RFX7: variants seen among roughly 807,000 people sequenced by gnomAD.
The protein encoded by RFX7 is regulatory factor X7, also known as DNA-binding protein RFX7.
A neutral mutation model predicts 111.8 loss-of-function variants in RFX7; 26 were observed. That is an observed-to-expected ratio of 0.23 (90% CI 0.17 to 0.32). The LOEUF is 0.32. Ranked by LOEUF, RFX7 falls within the 10% of genes least tolerant of loss-of-function variation. The probability of loss-of-function intolerance (pLI) is 1.00; values close to 1 mark genes in which losing one functional copy is unlikely to be tolerated. For synonymous variants in RFX7, 624 were observed against 624.4 expected, an observed-to-expected ratio of 1.00 and a Z score of 0.01; for missense variants, 1,573 against 1,772.9, an observed-to-expected ratio of 0.89 and a Z score of 2.02.
At chr15:56,171,630 A>G (rs1595984926) in intron 3 of RFX7, among the ~76,000 whole-genome samples, 1 of 152,218 alleles carries the variant, frequency 6.6e-6, no homozygotes, top group East Asian at 1.9e-4. Context: ...TATCCCCGTG[A>G]AACCCATGTC....
At position 56,147,422 on chromosome 15, in the gene RFX7, G is replaced by T. The variant is rs562254165; in HGVS notation, c.196-2939C>A. On this transcript the variant is annotated intron_variant, in intron 3 of 9. Transcript: ENST00000559447. ...GAAAGCAGCTTAGTGTTTCCCAGAGGCAGATGACTGCTTAAAGGGTACTGA... is the reference window on the plus strand; with the variant it reads ...GAAAGCAGCTTAGTGTTTCCCAGAGTCAGATGACTGCTTAAAGGGTACTGA... 1.8e-4 allele frequency among the ~76,000 whole-genome samples: 27 copies of T among 152,210 alleles called. No individual in the cohort carries two copies. In the East Asian group the frequency reaches 4.8e-3, roughly 27 times the overall value.
Position 56,243,047 on chromosome 15 carries a change from C to T in RFX7, c.161+78G>A, listed in dbSNP as rs1267648749. On this transcript the variant is annotated intron_variant, in intron 2 of 9. Coordinates refer to ENST00000559447, the MANE Select transcript of RFX7 (RefSeq NM_022841.7). ...GCATCAGCCTCCTCCTCCGCTCCCC[C>T]CGCCCGCCGCCCCCCACCCACTTTG... The T allele has an allele frequency of 6.7e-5, 42 of 630,472 alleles. 1 individual carries two copies. Among genetic ancestry groups the T allele is most frequent in the Non-Finnish European group, 1.1e-4 (41 of 377,760 alleles). The allele number at this position is 630,472 out of a possible 1,614,324, so 39.1% of individuals were successfully genotyped here.
In RFX7 at chr15:56,174,465, G is replaced by C. The variant is rs1286762018; in HGVS notation, c.195+4805C>G. Among the ~76,000 whole-genome samples the C allele has an allele frequency of 4.6e-5, 7 of 152,006 alleles. No individual in the cohort carries two copies. The South Asian group carries it at 1.5e-3, about 32-fold the overall frequency. On this transcript the variant is annotated intron_variant, in intron 3 of 9. Transcript: ENST00000559447. ...TTGGATAAAAATCAGCATGTGGCTG[G>C]GCACGGTTGCTCATACCTGTAATCC...
At chr15:56,141,762 C>G (rs1044432866) in intron 5 of RFX7, among the ~76,000 whole-genome samples, 1 of 148,420 alleles carries the variant, frequency 6.7e-6, no homozygotes, top group Non-Finnish European at 1.5e-5. Flanking sequence ...TATAGGTATT[C>G]AATGGATTGT....
chr15:56,222,971 A>T (rs2043442499), intron 2 of RFX7, among the ~76,000 whole-genome samples: 1 of 152,160 alleles, frequency 6.6e-6, no homozygotes, highest in South Asian at 2.1e-4. Flanking sequence ...AGTATTTTTA[A>T]AGGTTAGCTT....
intron 5 of RFX7, among the ~76,000 whole-genome samples, chr15:56,128,034 A>G (rs569544550): frequency 6.6e-6 from 1 of 152,190 alleles, no homozygotes; most frequent in Non-Finnish European, 1.5e-5. Flanking sequence ...ATATACATGA[A>G]AGAAACAAAA....
chr15:56,162,652 A>C (rs560089229), intron 3 of RFX7, among the ~76,000 whole-genome samples: 146 of 152,022 alleles, frequency 9.6e-4, no homozygotes, highest in Non-Finnish European at 1.5e-3. Context: ...GAAAAAAAAA[A>C]CATTAATAAC....
chr15:56,103,520 G>A (rs1473948680), intron 6 of RFX7, 34 bp downstream of exon 6: 1 of 1,339,778 alleles, frequency 7.5e-7, no homozygotes, highest in East Asian at 2.4e-5. Flanking sequence ...TGAGAACACA[G>A]AGATATTACT....
At position 56,179,298 on chromosome 15, in the gene RFX7, G is replaced by T; in HGVS notation, c.167C>A (p.Thr56Asn). 7.8e-7 allele frequency: 1 copy of T among 1,285,208 alleles called. No individual in the cohort carries two copies. The highest frequency in any genetic ancestry group is 1.0e-6 in the Non-Finnish European group (1 of 971,244). The allele number at this position is 1,285,208 out of a possible 1,614,324, so 79.6% of individuals were successfully genotyped here. Reference sequence around the variant, plus strand: ...AATGCAGTCCACTTTAGATTGTACAGTTTTGCTAAAAGAAAGAGAAAGTTA... The same window carrying T: ...AATGCAGTCCACTTTAGATTGTACATTTTTGCTAAAAGAAAGAGAAAGTTA... ...QHKIKNSICK[T>N]VQSKVDCILQ... The change falls in exon 3 of 10, where the codon ACT becomes AAT. Residue 56 changes from threonine (T) to asparagine (N), a missense_variant. Around this residue, in one of 7 missense-constraint regions of RFX7, gnomAD observed 191 missense variants for 194.2 expected, o/e 0.98. Coordinates refer to ENST00000559447, the MANE Select transcript of RFX7 (RefSeq NM_022841.7).
At chr15:56,240,051 A>G (rs1477616484) in intron 2 of RFX7, among the ~76,000 whole-genome samples, 2 of 145,152 alleles carry the variant, frequency 1.4e-5, no homozygotes, top group Non-Finnish European at 3.0e-5. Flanking sequence ...AGAAGTTTGC[A>G]GTTAGGTTGG....
chr15:56,235,666 G>T (rs2043615084), intron 2 of RFX7, among the ~76,000 whole-genome samples: 1 of 152,028 alleles, frequency 6.6e-6, no homozygotes, highest in South Asian at 2.1e-4. Context: ...TACTGATTTT[G>T]GAAAGAAAAA....
chr15:56,110,415 G>A (rs1424650944), intron 5 of RFX7, among the ~76,000 whole-genome samples: 1 of 121,074 alleles, frequency 8.3e-6, no homozygotes, highest in African/African-American at 3.0e-5. Context: ...GTCCGGGGGA[G>A]GGGGGGTCAG....
At chr15:56,190,041 G>A (rs2141159826) in intron 2 of RFX7, among the ~76,000 whole-genome samples, 1 of 152,220 alleles carries the variant, frequency 6.6e-6, no homozygotes, top group East Asian at 1.9e-4. Flanking sequence ...AGAGGAACAT[G>A]GATGAATCTA....
chr15:56,197,446 A>G (rs1287360167), intron 2 of RFX7, among the ~76,000 whole-genome samples: 1 of 151,764 alleles, frequency 6.6e-6, no homozygotes, highest in Non-Finnish European at 1.5e-5. Flanking sequence ...AAGTTATTTT[A>G]TTTTCTTCTA....
intron 2 of RFX7, chr15:56,189,784 G>A (rs2043081660): frequency 6.6e-6 from 1 of 152,190 alleles, no homozygotes; most frequent in Admixed American, 6.5e-5. Flanking sequence ...TGGTGGGAAT[G>A]TGAAAGGCAA....
At chr15:56,224,479 G>GTGTGTGTGTGTGTGTA (rs1567052487) in intron 2 of RFX7, among the ~76,000 whole-genome samples, 2 of 151,630 alleles carry the variant, frequency 1.3e-5, no homozygotes, top group Non-Finnish European at 2.9e-5. Context: ...GTGTGTGTGT[G>GTGTGTGTGTGTGTGTA]TGTGTGTGTG....
chr15:56,135,759 T>A (rs2042292831), intron 5 of RFX7, among the ~76,000 whole-genome samples: 1 of 151,890 alleles, frequency 6.6e-6, no homozygotes, highest in Admixed American at 6.6e-5. Flanking sequence ...GTCTAACATT[T>A]AAGTCTTTAA....
chr15:56,139,331 C>T (rs1225676595), intron 5 of RFX7, among the ~76,000 whole-genome samples: 2 of 151,982 alleles, frequency 1.3e-5, no homozygotes, highest in Admixed American at 1.3e-4. Flanking sequence ...ATTCTTTTTT[C>T]TCTAAAATTC....
At chr15:56,203,029 C>G (rs527507519) in intron 2 of RFX7, among the ~76,000 whole-genome samples, 2 of 152,040 alleles carry the variant, frequency 1.3e-5, no homozygotes, top group African/African-American at 4.8e-5. Context: ...GCCCTCCCCC[C>G]ACCAAAAAAA....
Sources: gnomAD v4.1 joint callset for allele counts (sites outside exome capture counted in the v4.1 genomes callset) on GRCh38, gnomAD v4.1.1 for gene constraint, gnomAD v4.1.1 regional missense constraint, MANE v1.5 for transcripts, NCBI Gene and HGNC (gene_info 2026-07-23, HGNC 2026-07-21) for gene names.